Variants in ZNF670 observed in about 807,000 individuals in gnomAD.
ZNF670 encodes zinc finger protein 670.
Under a neutral mutation model 10.9 loss-of-function variants are expected in ZNF670, and 7 were observed. The ratio of observed to expected loss-of-function variants is 0.64; its 90% CI spans 0.36 to 1.20. ZNF670 has a LOEUF of 1.20. Ranked by LOEUF, ZNF670 falls within the 50% of genes most tolerant of loss-of-function variation. ZNF670 has a pLI of 0.02. For synonymous variants in ZNF670, 136 were observed against 152.7 expected (o/e 0.89, Z 0.81); for missense variants, 446 against 458.6 (o/e 0.97, Z 0.25).
In ZNF670 at chr1:247,035,979, C is replaced by T. The variant is rs6698643; in HGVS notation, c.*1470G>A. Reference sequence around the variant, plus strand: ...CTGGTGCTCAAACAGTTTTTGACTTCGGAGCATTTCAGATTTGGTATTGGA... The same window carrying T: ...CTGGTGCTCAAACAGTTTTTGACTTTGGAGCATTTCAGATTTGGTATTGGA... On this transcript the variant is annotated 3_prime_UTR_variant, in exon 4 of 4. Transcript: ENST00000366503. 0.03 allele frequency among the ~76,000 whole-genome samples: 4,532 copies of T among 152,184 alleles called. 252 individuals carry two copies. The highest frequency in any genetic ancestry group is 0.1 in the African/African-American group (4,251 of 41,486).
At chr1:247,067,837 G>A (rs1325674966) in intron 1 of ZNF670, among the ~76,000 whole-genome samples, 6 of 41,904 alleles carry the variant, frequency 1.4e-4, no homozygotes, top group East Asian at 8.5e-4. Flanking sequence ...GCGAGACTCC[G>A]TCTCAAAAAA....
intron 1 of ZNF670, among the ~76,000 whole-genome samples, chr1:247,052,238 G>T (rs1366012022): frequency 3.9e-5 from 6 of 152,166 alleles, no homozygotes; most frequent in Non-Finnish European, 8.8e-5. Flanking sequence ...GGAAAGATCT[G>T]AGGCTCAAGG....
intron 1 of ZNF670, among the ~76,000 whole-genome samples, chr1:247,048,579 T>G (rs1482686712): frequency 1.3e-5 from 2 of 152,120 alleles, no homozygotes; most frequent in Non-Finnish European, 2.9e-5. Context: ...ACCACCCCAC[T>G]CTCTACAGTA....
intron 1 of ZNF670, among the ~76,000 whole-genome samples, chr1:247,063,348 C>G (rs557130037): frequency 6.6e-6 from 1 of 151,658 alleles, no homozygotes; most frequent in Admixed American, 6.6e-5. Context: ...CTGAGGCGGG[C>G]GGATCAAGAG....
chr1:247,054,836 A>G (rs1016524091), intron 1 of ZNF670, among the ~76,000 whole-genome samples: 5 of 152,174 alleles, frequency 3.3e-5, no homozygotes, highest in Non-Finnish European at 5.9e-5. Flanking sequence ...ATAATGAGTT[A>G]TAAGACAGTA....
chr1:247,038,007 T>C lies in ZNF670; in HGVS notation c.612A>G (p.Lys204=), dbSNP rs1427637389. The C allele has an allele frequency of 8.7e-6, 14 of 1,613,860 alleles. No individual in the cohort carries two copies. The highest frequency in any genetic ancestry group is 1.2e-5 in the Non-Finnish European group (14 of 1,179,886). ...EKTYKCKHCD[K]AFNYSSYLRE... ...GAAGATAACTTGAATAATTGAAGGC[T>C]TTATCACAATGTTTACATTTATATG... Residue 204 remains lysine, a synonymous_variant, in exon 4 of 4, where the codon AAA becomes AAG. Coordinates refer to ENST00000366503, the MANE Select transcript of ZNF670 (RefSeq NM_033213.5).
chr1:247,054,010 G>C (rs1400835269), intron 1 of ZNF670, among the ~76,000 whole-genome samples: 1 of 152,200 alleles, frequency 6.6e-6, no homozygotes, highest in African/African-American at 2.4e-5. Context: ...ATAGCATAGA[G>C]AATCTGTGTG....
At chr1:247,045,794 G>A (rs1383632114) in intron 1 of ZNF670, among the ~76,000 whole-genome samples, 6 of 152,218 alleles carry the variant, frequency 3.9e-5, no homozygotes, top group Admixed American at 6.5e-5. Context: ...ACAGGGAGAT[G>A]AGGAAAATTA....
intron 1 of ZNF670, among the ~76,000 whole-genome samples, chr1:247,049,099 T>A (rs1216929344): frequency 8.5e-6 from 1 of 118,240 alleles, no homozygotes; most frequent in Non-Finnish European, 1.7e-5. Flanking sequence ...GTTTCATTTC[T>A]TTTTTTTTTT....
chr1:247,060,806 A>C (rs1670840371), intron 1 of ZNF670, among the ~76,000 whole-genome samples: 1 of 152,242 alleles, frequency 6.6e-6, no homozygotes, highest in African/African-American at 2.4e-5. Context: ...GCTATGAAGA[A>C]AGGAAAATAA....
At chr1:247,055,910 CAAAG>C (rs1558342185) in intron 1 of ZNF670, among the ~76,000 whole-genome samples, 1 of 151,912 alleles carries the variant, frequency 6.6e-6, no homozygotes, top group African/African-American at 2.4e-5. Flanking sequence ...TAAAAAGAGA[CAAAG>C]AAGTCACTAC....
rs957257956 is a variant in ZNF670 at position 247,078,720 on chromosome 1, A to ACGCAC, written c.-129_-125dup. 5 of 1,069,742 alleles carry ACGCAC rather than the reference A, an allele frequency of 4.7e-6. No individual in the cohort carries two copies. Among genetic ancestry groups the ACGCAC allele is most frequent in the Admixed American group, 4.9e-5 (2 of 40,670 alleles). 66.3% of individuals were successfully genotyped at this position (1,069,742 alleles called of 1,614,324 possible). Reference sequence around the variant, plus strand: ...GGGATAAGGGGAAGGAGCAGCGGAGACGCACCGAGCTCGCCACATTCGCGC... The same window carrying ACGCAC: ...GGGATAAGGGGAAGGAGCAGCGGAGACGCACCGCACCGAGCTCGCCACATTCGCGC... On this transcript the variant is annotated 5_prime_UTR_variant, in exon 1 of 4. An upstream open reading frame in the 5' UTR loses its in-frame stop. Transcript: ENST00000366503.
At chr1:247,071,860 T>C (rs961444989) in intron 1 of ZNF670, among the ~76,000 whole-genome samples, 5 of 151,524 alleles carry the variant, frequency 3.3e-5, no homozygotes, top group Non-Finnish European at 5.9e-5. Flanking sequence ...ATTCTTTCTT[T>C]CTTTTTTTTT....
chr1:247,056,596 C>T (rs75852043), intron 1 of ZNF670, among the ~76,000 whole-genome samples: 2,002 of 152,182 alleles, frequency 0.013, 42 homozygotes, highest in African/African-American at 0.046. Context: ...CACCTAATAA[C>T]GCATCTTAAA....
At chr1:247,059,306 C>T (rs1170644182) in intron 1 of ZNF670, among the ~76,000 whole-genome samples, 4 of 151,650 alleles carry the variant, frequency 2.6e-5, no homozygotes, top group Admixed American at 1.3e-4. Context: ...ATTAGCCGGG[C>T]GTGGTGGAGG....
At chr1:247,054,183 C>T (rs1670664766) in intron 1 of ZNF670, among the ~76,000 whole-genome samples, 1 of 152,204 alleles carries the variant, frequency 6.6e-6, no homozygotes, top group Admixed American at 6.5e-5. Flanking sequence ...TCTAGCGGGC[C>T]TCAACACCAG....
At chr1:247,072,652 C>T (rs561802432) in intron 1 of ZNF670, among the ~76,000 whole-genome samples, 34 of 150,502 alleles carry the variant, frequency 2.3e-4, no homozygotes, top group South Asian at 1.1e-3. Flanking sequence ...CTGGGCATGG[C>T]GGTGCATGCC....
chr1:247,055,367 T>C (rs534645995), intron 1 of ZNF670, among the ~76,000 whole-genome samples: 5 of 152,346 alleles, frequency 3.3e-5, no homozygotes, highest in Admixed American at 1.3e-4. Flanking sequence ...CAACTCCTGA[T>C]TGGTCCCAGG....
chr1:247,040,990 G>A (rs1339646970), intron 1 of ZNF670, among the ~76,000 whole-genome samples: 2 of 152,264 alleles, frequency 1.3e-5, no homozygotes, highest in Non-Finnish European at 2.9e-5. Context: ...TGCCTGGCCT[G>A]TAAGCAGGAA....
Sources: allele counts gnomAD v4.1 joint callset (sites outside exome capture counted in the v4.1 genomes callset), GRCh38; gene constraint gnomAD v4.1.1; transcripts MANE v1.5; gene names NCBI Gene and HGNC (gene_info 2026-07-23, HGNC 2026-07-21).